ADGRG1: variants seen among roughly 807,000 people sequenced by gnomAD.
ADGRG1 encodes 7-transmembrane protein with no EGF-like N-terminal domains-1.
Under a neutral mutation model 73.5 loss-of-function variants are expected in ADGRG1, and 53 were observed. The ratio of observed to expected loss-of-function variants is 0.72; its 90% CI spans 0.58 to 0.91. ADGRG1 has a LOEUF of 0.91. ADGRG1 is among the 40% of genes least tolerant of loss of function. ADGRG1 has a pLI of 0.00. For missense variants in ADGRG1, 795 were observed against 871.8 expected, an observed-to-expected ratio of 0.91 and a Z score of 1.11; for synonymous variants, 394 against 374.4, an observed-to-expected ratio of 1.05 and a Z score of -0.60.
intron 10 of ADGRG1, among the ~76,000 whole-genome samples, chr16:57,658,244 G>A (rs1457751297): frequency 1.3e-5 from 2 of 152,216 alleles, no homozygotes; most frequent in Non-Finnish European, 2.9e-5. Context: ...AACTTCCCGT[G>A]TGCCATGCAC....
intron 1 of ADGRG1, chr16:57,634,296 T>C (rs1032871319): frequency 8.1e-6 from 8 of 985,304 alleles, no homozygotes; most frequent in Non-Finnish European, 6.0e-6. Context: ...ACCCACCTGC[T>C]TTGATGGTGA....
intron 9 of ADGRG1, 64 bp downstream of exon 9, chr16:57,656,681 C>T: frequency 1.0e-6 from 1 of 966,104 alleles, no homozygotes; most frequent in South Asian, 1.3e-5. Context: ...TGTGCAAGCA[C>T]TTTTCATATA....
At chr16:57,644,054 C>T (rs772039278) in intron 1 of ADGRG1, 30 of 985,328 alleles carry the variant, frequency 3.0e-5, no homozygotes, top group Middle Eastern at 5.2e-4. Flanking sequence ...TCAGACGCCA[C>T]GCCACCCACC....
At position 57,639,329 on chromosome 16, in the gene ADGRG1, C is replaced by T. The variant is rs377565177; in HGVS notation, c.-36+10527C>T. The T allele has an allele frequency of 5.1e-6, 5 of 985,422 alleles. No individual in the cohort carries two copies. The African/African-American group carries it at 8.7e-5, about 17-fold the overall frequency. 61.0% of individuals were successfully genotyped at this position (985,422 alleles called of 1,614,324 possible). On this transcript the variant is annotated intron_variant, in intron 1 of 13. Transcript: ENST00000562631. ...CAGGACAAGTTACGGAGCCACGTTG[C>T]TTTGCTGGGTCTGAGCCGGGGTGTG...
rs1168801821 is a variant in ADGRG1 at position 57,659,611 on chromosome 16, C to T, written c.1485C>T (p.Tyr495=). ...TGGGCCTCGAGGGGTACAACCTCTA[C>T]CGACTCGTGGTGGAGGTCTTTGGCA... ...SWMGLEGYNL[Y]RLVVEVFGTY... Residue 495 remains tyrosine, a synonymous_variant, in exon 11 of 14, where the codon TAC becomes TAT. Transcript: ENST00000562631. The T allele has an allele frequency of 6.2e-7, 1 of 1,614,030 alleles. No homozygotes were observed. The highest frequency in any genetic ancestry group is 1.7e-5 in the Admixed American group (1 of 60,022).
chr16:57,637,546 T>G, intron 1 of ADGRG1: 1 of 985,424 alleles, frequency 1.0e-6, no homozygotes, highest in Non-Finnish European at 1.2e-6. Context: ...GGCCGCCTTC[T>G]CCGGCCAGCA....
At chr16:57,622,872 GC>G (rs1452464689), upstream of ADGRG1, 4 of 985,330 alleles carry the variant, frequency 4.1e-6, no homozygotes, top group Non-Finnish European at 4.8e-6. Flanking sequence ...TGGAGGCCCA[GC>G]CAGCCTGAAC....
chr16:57,657,801 G>A (rs1220286965), intron 10 of ADGRG1, among the ~76,000 whole-genome samples: 1 of 152,090 alleles, frequency 6.6e-6, no homozygotes, highest in African/African-American at 2.4e-5. Flanking sequence ...GAGTGTAGTA[G>A]CATGATCTCG....
At chr16:57,652,710 C>T (rs1283772867) in intron 3 of ADGRG1, 3 of 1,008,620 alleles carry the variant, frequency 3.0e-6, no homozygotes, top group African/African-American at 1.7e-5. Context: ...GTATACCCTC[C>T]AACCCCCACT....
At chr16:57,621,781 A>G (rs2034872182) in intron 2 of ADGRG1, 6 of 803,878 alleles carry the variant, frequency 7.5e-6, no homozygotes, top group Non-Finnish European at 9.0e-6. Flanking sequence ...GGCCAGGGCC[A>G]AGGGAGCTGC....
chr16:57,654,823 T>C (rs1313327808), intron 5 of ADGRG1, among the ~76,000 whole-genome samples: 1 of 152,204 alleles, frequency 6.6e-6, no homozygotes, highest in Non-Finnish European at 1.5e-5. Context: ...GAGGTTGCAG[T>C]GAGCTGAGAT....
At position 57,652,794 on chromosome 16, in the gene ADGRG1, G is replaced by A. The variant is rs573240133; in HGVS notation, c.488-409G>A. On this transcript the variant is annotated intron_variant, in intron 3 of 13. Coordinates refer to ENST00000562631, the MANE Select transcript of ADGRG1 (RefSeq NM_201525.4). ...TCGGCCGCCTTAGTAGGCCGCCCAC[G>A]CTACCTGGGCAGAGGGGCCCGAGCC... 8.4e-6 allele frequency: 9 copies of A among 1,071,334 alleles called. No individual in the cohort carries two copies. The African/African-American group carries it at 1.0e-4, about 12-fold the overall frequency. The allele number at this position is 1,071,334 out of a possible 1,614,324, so 66.4% of individuals were successfully genotyped here.
At chr16:57,644,469 G>T (rs1471876350) in intron 1 of ADGRG1, among the ~76,000 whole-genome samples, 1 of 128,900 alleles carries the variant, frequency 7.8e-6, no homozygotes, top group Admixed American at 8.0e-5. Context: ...CTCATGCACG[G>T]GCACACACAC....
upstream of ADGRG1, chr16:57,624,821 C>G (rs1287801931): frequency 2.1e-6 from 1 of 465,328 alleles, no homozygotes; most frequent in Non-Finnish European, 2.8e-6. Context: ...TTTGCAGGCC[C>G]CTCTGAATAA....
upstream of ADGRG1, chr16:57,627,714 C>A: frequency 1.3e-6 from 1 of 753,336 alleles, no homozygotes; most frequent in Non-Finnish European, 1.6e-6. Flanking sequence ...ACTGAGGAAT[C>A]ATCTATCCTC....
At chr16:57,657,684 A>G (rs1448733755) in intron 10 of ADGRG1, among the ~76,000 whole-genome samples, 193 bp downstream of exon 10, 4 of 152,170 alleles carry the variant, frequency 2.6e-5, no homozygotes, top group African/African-American at 4.8e-5. Flanking sequence ...TTTGGATAAC[A>G]TAGTATTTAC....
intron 5 of ADGRG1, 28 bp downstream of exon 5, chr16:57,654,161 G>A: frequency 6.2e-7 from 1 of 1,603,904 alleles, no homozygotes; most frequent in Non-Finnish European, 8.5e-7. Flanking sequence ...GCAGGAAGCA[G>A]ATGCGGGTTG....
At position 57,651,314 on chromosome 16, in the gene ADGRG1, A is replaced by G. The variant is rs762752785; in HGVS notation, c.179A>G (p.Asn60Ser). The change falls in exon 3 of 14, where the codon AAC becomes AGC. Residue 60 changes from asparagine to serine, a missense_variant. Transcript: ENST00000562631. ...CCAGACCTGCGCATCTCCATCGAGA[A>G]CTCCGAAGAGGCCCTCACAGTCCAT... ...PTPDLRISIE[N>S]SEEALTVHAP... is the part of the protein sequence containing the mutation. The G allele has an allele frequency of 6.2e-7, 1 of 1,613,816 alleles. No individual in the cohort carries two copies. Among genetic ancestry groups the G allele is most frequent in the Non-Finnish European group, 8.5e-7 (1 of 1,179,960 alleles).
chr16:57,653,202 G>T lies in ADGRG1; in HGVS notation c.488-1G>T. Reference sequence around the variant, plus strand: ...CGGGGGCCTGTCCACCCCTCCCCCAGGTCCTCCCCACACGGCCGCTCACAA... The same window carrying T: ...CGGGGGCCTGTCCACCCCTCCCCCATGTCCTCCCCACACGGCCGCTCACAA... On this transcript the variant is annotated splice_acceptor_variant, in intron 3 of 13. Transcript: ENST00000562631. LOFTEE classifies it high-confidence loss of function. The T allele has an allele frequency of 6.2e-7, 1 of 1,607,906 alleles. No homozygotes were observed.
Sources: allele counts gnomAD v4.1 joint callset (sites outside exome capture counted in the v4.1 genomes callset), GRCh38; gene constraint gnomAD v4.1.1; transcripts MANE v1.5; gene names NCBI Gene and HGNC (gene_info 2026-07-23, HGNC 2026-07-21).